Variants in LIMCH1 observed in about 807,000 individuals in gnomAD.
LIMCH1 encodes LIM and calponin homology domains 1.
In LIMCH1, 113 loss-of-function variants were observed where a neutral mutation model predicts 176.5. The observed-to-expected ratio is 0.64, with a 90% confidence interval of 0.55 to 0.75. LIMCH1 has a LOEUF of 0.75. Among genes scored for constraint, LIMCH1 ranks in the 30% least tolerant of loss-of-function variants. The pLI is 0.00. For synonymous variants in LIMCH1, 619 were observed against 645.9 expected, an observed-to-expected ratio of 0.96 and a Z score of 0.63; for missense variants, 1,674 against 1,814.9, an observed-to-expected ratio of 0.92 and a Z score of 1.41.
At chr4:41,438,374 TTC>T (rs2062322194) in intron 1 of LIMCH1, among the ~76,000 whole-genome samples, 1 of 152,018 alleles carries the variant, frequency 6.6e-6, no homozygotes, top group African/African-American at 2.4e-5. Context: ...TTCTTTTCTT[TTC>T]TTTTTTTTTT....
chr4:41,525,183 G>A (rs1339552559), intron 3 of LIMCH1, among the ~76,000 whole-genome samples: 1 of 152,218 alleles, frequency 6.6e-6, no homozygotes, highest in African/African-American at 2.4e-5. Flanking sequence ...TAGAAGATGA[G>A]GAAGACAATC....
At chr4:41,529,033 C>T (rs1016844853) in intron 3 of LIMCH1, among the ~76,000 whole-genome samples, 13 of 152,174 alleles carry the variant, frequency 8.5e-5, no homozygotes, top group African/African-American at 2.9e-4. Flanking sequence ...TGCTTGCATT[C>T]TCTTTTAGGT....
At chr4:41,581,112 G>GTCTGTCTATCTATCTATCTA (rs577625607) in intron 1 of LIMCH1, among the ~76,000 whole-genome samples, 3 of 132,900 alleles carry the variant, frequency 2.3e-5, no homozygotes, top group African/African-American at 9.9e-5. Flanking sequence ...CTGTCTGTCT[G>GTCTGTCTATCTATCTATCTA]TCTATCTATC....
intron 1 of LIMCH1, among the ~76,000 whole-genome samples, chr4:41,491,179 C>T (rs1229547433): frequency 6.7e-6 from 1 of 149,358 alleles, no homozygotes; most frequent in African/African-American, 2.5e-5. Flanking sequence ...GGCAGAGGTG[C>T]TCCCCACATC....
At chr4:41,443,353 A>G (rs1274998164) in intron 1 of LIMCH1, among the ~76,000 whole-genome samples, 1 of 152,194 alleles carries the variant, frequency 6.6e-6, no homozygotes, top group Non-Finnish European at 1.5e-5. Context: ...CACCTGTGAG[A>G]TTCCAAATTG....
At chr4:41,612,355 A>G (rs1243514161) in intron 4 of LIMCH1, 1 of 565,348 alleles carries the variant, frequency 1.8e-6, no homozygotes, top group Non-Finnish European at 3.1e-6. Context: ...TTTCCTTTCT[A>G]TTGGGAATGC....
Position 41,697,354 on chromosome 4 carries a change from C to T in LIMCH1, c.*169C>T. 1 of 587,610 alleles carries T rather than the reference C, an allele frequency of 1.7e-6. No individual in the cohort carries two copies. Among genetic ancestry groups the T allele is most frequent in the East Asian group, 2.8e-5 (1 of 35,318 alleles). 36.4% of individuals were successfully genotyped at this position (587,610 alleles called of 1,614,324 possible). The stretch of plus-strand genomic sequence containing the variant: ...TTCGTAGCACAGTGTTTATGTTTTT[C>T]CTGTTTATTGTTTTGGTTTTTTTTT... On this transcript the variant is annotated 3_prime_UTR_variant, in exon 32 of 32. Coordinates refer to ENST00000503057, the MANE Select transcript of LIMCH1 (RefSeq NM_001330672.2).
intron 1 of LIMCH1, among the ~76,000 whole-genome samples, chr4:41,396,707 C>A (rs965634990): frequency 2.0e-5 from 3 of 152,006 alleles, no homozygotes; most frequent in Non-Finnish European, 4.4e-5. Context: ...TCGAGACCAG[C>A]CTGGCCAACA....
chr4:41,631,051 G>A (rs1229670456), intron 9 of LIMCH1, 97 bp from the exon 10 acceptor site: 7 of 1,070,792 alleles, frequency 6.5e-6, no homozygotes, highest in Non-Finnish European at 9.1e-6. Context: ...GATAGGGAGG[G>A]CCAACTACTT....
chr4:41,659,295 T>A (rs759094277), intron 18 of LIMCH1, among the ~76,000 whole-genome samples: 3 of 152,202 alleles, frequency 2.0e-5, no homozygotes, highest in Non-Finnish European at 4.4e-5. Flanking sequence ...TTTAAAAGTG[T>A]GTTTTAACTT....
intron 1 of LIMCH1, among the ~76,000 whole-genome samples, chr4:41,585,920 A>G (rs71608082): frequency 0.046 from 7,053 of 152,300 alleles, 232 homozygotes; most frequent in South Asian, 0.15. Context: ...AAATGAGTTC[A>G]TTGATCACAC....
intron 30 of LIMCH1, among the ~76,000 whole-genome samples, chr4:41,691,468 TG>T (rs1586058902): frequency 6.6e-6 from 1 of 151,914 alleles, no homozygotes; most frequent in East Asian, 1.9e-4. Flanking sequence ...AACAGCAGGC[TG>T]GGCACGGTGG....
chr4:41,555,852 C>T (rs571214493), intron 1 of LIMCH1, among the ~76,000 whole-genome samples: 7 of 152,200 alleles, frequency 4.6e-5, no homozygotes, highest in African/African-American at 1.7e-4. Context: ...AGTGAATCCT[C>T]CTAATCTGTT....
chr4:41,633,425 G>A, intron 12 of LIMCH1, 123 bp from the exon 13 acceptor site: 1 of 1,166,980 alleles, frequency 8.6e-7, no homozygotes, highest in Non-Finnish European at 1.2e-6. Context: ...CAGCTGCTCT[G>A]TGTGCCGCTG....
intron 1 of LIMCH1, among the ~76,000 whole-genome samples, chr4:41,490,803 G>A (rs1200120378): frequency 2.0e-5 from 3 of 152,212 alleles, no homozygotes; most frequent in Non-Finnish European, 4.4e-5. Flanking sequence ...CTTCGGAGCT[G>A]TTGGGTACAC....
chr4:41,663,081 T>A, intron 20 of LIMCH1, 97 bp downstream of exon 20: 18 of 1,060,664 alleles, frequency 1.7e-5, no homozygotes, highest in Non-Finnish European at 2.2e-5. Flanking sequence ...ATAATGAAGA[T>A]TTATTTCTCT....
At chr4:41,579,794 C>T (rs2085104919) in intron 1 of LIMCH1, among the ~76,000 whole-genome samples, 1 of 152,166 alleles carries the variant, frequency 6.6e-6, no homozygotes, top group Non-Finnish European at 1.5e-5. Flanking sequence ...CTCTGGTATC[C>T]TCTTGGCATG....
intron 18 of LIMCH1, among the ~76,000 whole-genome samples, chr4:41,652,141 G>A (rs1191323366): frequency 1.3e-5 from 2 of 152,198 alleles, no homozygotes; most frequent in Non-Finnish European, 2.9e-5. Flanking sequence ...ACTTCTTCCG[G>A]CACCAAGGGA....
intron 1 of LIMCH1, among the ~76,000 whole-genome samples, chr4:41,388,572 A>C (rs1408956539): frequency 6.6e-6 from 1 of 152,226 alleles, no homozygotes; most frequent in Admixed American, 6.5e-5. Context: ...CAATTCTATA[A>C]ATTCACTAAA....
Sources: gnomAD v4.1 joint callset for allele counts (sites outside exome capture counted in the v4.1 genomes callset) on GRCh38, gnomAD v4.1.1 for gene constraint, MANE v1.5 for transcripts, NCBI Gene and HGNC (gene_info 2026-07-23, HGNC 2026-07-21) for gene names.